ANKMY1: variants seen among roughly 807,000 people sequenced by gnomAD.
The protein encoded by ANKMY1 is ankyrin repeat and MYND domain-containing protein 1.
ANKMY1 carries 98 observed loss-of-function variants against 102.0 expected under a neutral mutation model. The ratio of observed to expected loss-of-function variants is 0.96; its 90% CI spans 0.82 to 1.14. ANKMY1 has a LOEUF of 1.14. Among genes scored for constraint, ANKMY1 ranks in the 50% most tolerant of loss-of-function variants. The pLI is 0.00. For synonymous variants in ANKMY1, 582 were observed against 559.9 expected (o/e 1.04, Z -0.56); for missense variants, 1,330 against 1,347.6 (o/e 0.99, Z 0.20).
intron 2 of ANKMY1, among the ~76,000 whole-genome samples, chr2:240,555,956 C>A (rs1182436321): frequency 6.6e-6 from 1 of 152,238 alleles, no homozygotes; most frequent in Non-Finnish European, 1.5e-5. Flanking sequence ...GCCTTCCGTT[C>A]TCAGCTGTGC....
chr2:240,552,397 T>G (rs1200453447), intron 4 of ANKMY1, among the ~76,000 whole-genome samples: 1 of 152,192 alleles, frequency 6.6e-6, no homozygotes, highest in Non-Finnish European at 1.5e-5. Flanking sequence ...CACAGTTTGT[T>G]GAAGGAGACA....
chr2:240,512,766 G>A, intron 10 of ANKMY1, 36 bp downstream of exon 10: 2 of 1,583,812 alleles, frequency 1.3e-6, no homozygotes, highest in Non-Finnish European at 1.7e-6. Context: ...ACCTGGCCAA[G>A]GCCCCATACC....
At chr2:240,510,290 C>G (rs1490974431) in intron 11 of ANKMY1, among the ~76,000 whole-genome samples, 1 of 146,692 alleles carries the variant, frequency 6.8e-6, no homozygotes, top group Non-Finnish European at 1.5e-5. Context: ...CTCCCCACAT[C>G]CTTGCCCTTC....
At chr2:240,473,401 A>G in the ANKMY1 span, among the ~76,000 whole-genome samples, 4 of 151,644 alleles carry the variant, frequency 2.6e-5, no homozygotes, top group African/African-American at 9.7e-5. Flanking sequence ...TTCAATAAAG[A>G]GCTTCAACAG....
rs559155044 is a variant in ANKMY1 at position 240,539,771 on chromosome 2, T to C, written c.481-10262A>G. Among the ~76,000 whole-genome samples the C allele has an allele frequency of 3.9e-5, 6 of 152,322 alleles. No homozygotes were observed. In the East Asian group the frequency reaches 9.6e-4, roughly 24 times the overall value. ...AAAGGCTGCACATTGTGTGATTTCA[T>C]TGTAAACTAAAAGTAAGATCCTAAT... On this transcript the variant is annotated intron_variant, in intron 4 of 17. Coordinates refer to ENST00000401804, the MANE Select transcript of ANKMY1 (RefSeq NM_001282771.3).
Position 240,499,961 on chromosome 2 carries a change from T to C in ANKMY1, c.2803A>G (p.Arg935Gly). 1.2e-6 allele frequency: 2 copies of C among 1,612,144 alleles called. No individual in the cohort carries two copies. Among genetic ancestry groups the C allele is most frequent in the Non-Finnish European group, 1.7e-6 (2 of 1,179,352 alleles). ...CAGAGCAGGGCCCACTGCTCACCTC[T>C]CTTGCACAGGTACAGCCACGTGGGG... Reference protein sequence around the residue: ...WDPTWLYLCKRAELIPSHRMK... With the variant: ...WDPTWLYLCKGAELIPSHRMK... Residue 935 changes from arginine (R) to glycine (G), a missense_variant, in exon 15 of 18, where the codon AGA becomes GGA. Physicochemically the swap from Arg to Gly is moderately radical, Grantham distance 125. Transcript: ENST00000401804. The surrounding 1 kb of genome is among the most constrained non-coding windows in gnomAD (Gnocchi z 4.2).
intron 15 of ANKMY1, among the ~76,000 whole-genome samples, chr2:240,488,871 A>G (rs1289318475): frequency 2.0e-5 from 3 of 151,994 alleles, no homozygotes; most frequent in Non-Finnish European, 4.4e-5. Flanking sequence ...GTTTTGGTGG[A>G]GTCTTTAGGT....
downstream of ANKMY1, among the ~76,000 whole-genome samples, chr2:240,478,129 A>G (rs1038060304): frequency 1.3e-5 from 2 of 152,270 alleles, no homozygotes; most frequent in Admixed American, 6.5e-5. Context: ...CGCTCCAGCC[A>G]TGCGAAGTGC....
In ANKMY1 at chr2:240,499,850, G is replaced by GT; in HGVS notation, c.2806+107_2806+108insA. ...AAGCCGACGAGCCCAGCCCCAGGAA[G>GT]GCCCCTCCAAGAGCCCCAGGGGGTC... On this transcript the variant is annotated intron_variant, in intron 15 of 17. Transcript: ENST00000401804. This position sits in a 1 kb window ranked among gnomAD's most constrained non-coding sequence, Gnocchi z 4.2. 2.9e-6 allele frequency: 4 copies of GT among 1,368,302 alleles called. No homozygotes were observed. Among genetic ancestry groups the GT allele is most frequent in the South Asian group, 3.1e-5 (2 of 64,718 alleles). 84.8% of individuals were successfully genotyped at this position (1,368,302 alleles called of 1,614,324 possible).
chr2:240,557,480 G>A lies in ANKMY1; in HGVS notation c.-17-128C>T, dbSNP rs1395534702. The A allele has an allele frequency of 1.1e-5, 12 of 1,076,706 alleles. No individual in the cohort carries two copies. In the Admixed American group the frequency reaches 2.2e-4, roughly 20 times the overall value. 66.7% of individuals were successfully genotyped at this position (1,076,706 alleles called of 1,614,324 possible). Reference sequence around the variant, plus strand: ...AAGCCCCTCCCTGAACCGCGCCGGAGCCTGGGCCGCCACCCACAGGTCCCG... The same window carrying A: ...AAGCCCCTCCCTGAACCGCGCCGGAACCTGGGCCGCCACCCACAGGTCCCG... On this transcript the variant is annotated intron_variant, in intron 1 of 17. Transcript: ENST00000401804.
chr2:240,538,541 C>T (rs565084134), intron 4 of ANKMY1, among the ~76,000 whole-genome samples: 5 of 152,292 alleles, frequency 3.3e-5, no homozygotes, highest in South Asian at 2.1e-4. Flanking sequence ...GGACCTGCAG[C>T]GTGCCATGCC....
chr2:240,520,248 T>G lies in ANKMY1; in HGVS notation c.2004+114A>C. On this transcript the variant is annotated intron_variant, in intron 9 of 17. Coordinates refer to ENST00000401804, the MANE Select transcript of ANKMY1 (RefSeq NM_001282771.3). This position sits in a 1 kb window ranked among gnomAD's most constrained non-coding sequence, Gnocchi z 4.8. ...CCGTCATCACTCACAGCCCAGGTGG[T>G]CGCCTGCAAGAGCCCACCCCTCTCT... is the stretch of plus-strand genomic sequence containing the variant. The G allele has an allele frequency of 6.9e-7, 1 of 1,447,898 alleles. No homozygotes were observed. The highest frequency in any genetic ancestry group is 9.4e-7 in the Non-Finnish European group (1 of 1,063,914). The allele number at this position is 1,447,898 out of a possible 1,614,324, so 89.7% of individuals were successfully genotyped here.
chr2:240,529,028 A>T lies in ANKMY1; in HGVS notation c.953+9T>A, dbSNP rs2084594781. The T allele has an allele frequency of 6.2e-7, 1 of 1,613,024 alleles. No homozygotes were observed. Among genetic ancestry groups the T allele is most frequent in the Admixed American group, 1.7e-5 (1 of 59,982 alleles). On this transcript the variant is annotated intron_variant, in intron 5 of 17. Transcript: ENST00000401804. The surrounding 1 kb of genome is among the most constrained non-coding windows in gnomAD (Gnocchi z 4.2). ...GGCCCTAGGGGAGGAGCAGTAGCAG[A>T]CTAGTCACCTGAACTTGTAAGTTTG... is the stretch of plus-strand genomic sequence containing the variant.
chr2:240,554,666 G>A, intron 3 of ANKMY1, 200 bp downstream of exon 3: 1 of 593,046 alleles, frequency 1.7e-6, no homozygotes, highest in Admixed American at 3.0e-5. Flanking sequence ...CTCATCCTGG[G>A]ACCCCAGCAA....
intron 4 of ANKMY1, among the ~76,000 whole-genome samples, chr2:240,538,542 G>T (rs926346411): frequency 6.6e-6 from 1 of 152,152 alleles, no homozygotes; most frequent in Non-Finnish European, 1.5e-5. Context: ...GACCTGCAGC[G>T]TGCCATGCCC....
At chr2:240,542,015 G>A (rs2088986571) in intron 4 of ANKMY1, among the ~76,000 whole-genome samples, 1 of 151,584 alleles carries the variant, frequency 6.6e-6, no homozygotes, top group South Asian at 2.1e-4. Context: ...TTTGAGACCA[G>A]CCTGGCCAAC....
At chr2:240,495,571 A>G (rs1208921552) in intron 15 of ANKMY1, among the ~76,000 whole-genome samples, 1 of 152,168 alleles carries the variant, frequency 6.6e-6, no homozygotes, top group African/African-American at 2.4e-5. Context: ...TCCAGTGGAC[A>G]TGTAACCCAT....
intron 4 of ANKMY1, among the ~76,000 whole-genome samples, chr2:240,552,427 C>A (rs1211632321): frequency 3.9e-5 from 6 of 152,154 alleles, no homozygotes; most frequent in African/African-American, 1.4e-4. Flanking sequence ...AAGGCCATGG[C>A]AATATTTTGA....
intron 4 of ANKMY1, among the ~76,000 whole-genome samples, chr2:240,550,696 T>C (rs2091359215): frequency 6.6e-6 from 1 of 152,174 alleles, no homozygotes; most frequent in African/African-American, 2.4e-5. Flanking sequence ...TCTTTGGGTT[T>C]TATTTATATA....
Sources: allele counts gnomAD v4.1 joint callset (sites outside exome capture counted in the v4.1 genomes callset), GRCh38; gene constraint gnomAD v4.1.1; non-coding constraint Gnocchi (gnomAD v3.1); transcripts MANE v1.5; gene names NCBI Gene and HGNC (gene_info 2026-07-23, HGNC 2026-07-21).